LYRM4: variants seen among roughly 807,000 people sequenced by gnomAD.
LYRM4 encodes the protein LYR motif-containing protein 4.
In LYRM4, 9 loss-of-function variants were observed where a neutral mutation model predicts 11.7. The observed-to-expected ratio is 0.77, with a 90% CI of 0.46 to 1.34. The LOEUF is 1.34. Ranked by LOEUF, LYRM4 falls within the 40% of genes most tolerant of loss-of-function variation. LYRM4 has a pLI of 0.00. For missense variants in LYRM4, 133 were observed against 112.5 expected (o/e 1.18, Z -0.82); for synonymous variants, 42 against 40.4 (o/e 1.04, Z -0.15).
the LYRM4 span, among the ~76,000 whole-genome samples, chr6:5,093,531 C>T: frequency 6.6e-6 from 1 of 152,280 alleles, no homozygotes; most frequent in African/African-American, 2.4e-5. Context: ...ACTTTAGACT[C>T]TGCCATGTCC....
chr6:5,189,271 T>G (rs568921107), intron 2 of LYRM4, among the ~76,000 whole-genome samples: 12 of 149,322 alleles, frequency 8.0e-5, no homozygotes, highest in Admixed American at 4.6e-4. Flanking sequence ...GGTTAGTGGT[T>G]AGCCTAAGGT....
At chr6:5,240,554 G>A (rs1047617311) in intron 1 of LYRM4, 1 of 152,154 alleles carries the variant, frequency 6.6e-6, no homozygotes, top group African/African-American at 2.4e-5. Flanking sequence ...CACACCAAGG[G>A]TTTTGCCAAG....
At chr6:5,180,068 T>C (rs1381232380) in intron 2 of LYRM4, among the ~76,000 whole-genome samples, 1 of 152,128 alleles carries the variant, frequency 6.6e-6, no homozygotes, top group Non-Finnish European at 1.5e-5. Context: ...GAACCACAAA[T>C]AATGACTCAG....
the LYRM4 span, among the ~76,000 whole-genome samples, chr6:5,094,435 G>C: frequency 1.3e-5 from 2 of 152,216 alleles, no homozygotes; most frequent in South Asian, 2.1e-4. Context: ...AGTGAACTAT[G>C]ATGGCACCAC....
intron 2 of LYRM4, among the ~76,000 whole-genome samples, chr6:5,209,396 T>C (rs544911326): frequency 3.3e-5 from 5 of 152,320 alleles, no homozygotes; most frequent in African/African-American, 1.2e-4. Flanking sequence ...TTATTACTTT[T>C]TTATTACAAT....
chr6:5,071,566 GTA>G, the LYRM4 span, among the ~76,000 whole-genome samples: 1 of 151,430 alleles, frequency 6.6e-6, no homozygotes, highest in African/African-American at 2.4e-5. Context: ...GTGTGTATAT[GTA>G]TATGTATATA....
intron 1 of LYRM4, among the ~76,000 whole-genome samples, chr6:5,229,397 G>A (rs1018423900): frequency 6.6e-6 from 1 of 152,174 alleles, no homozygotes; most frequent in Non-Finnish European, 1.5e-5. Context: ...TTGATGCCCA[G>A]GTGTAGTTAT....
chr6:5,180,638 TTCC>T lies in LYRM4; in HGVS notation c.207+35977_207+35979del, dbSNP rs747397697. ...CTCAACATGATCTCTGGTTCGTTGGTTCCTCCTATTTTCCTGGCCCAGAGTTGC... is the reference window on the plus strand; with the variant it reads ...CTCAACATGATCTCTGGTTCGTTGGTTCCTATTTTCCTGGCCCAGAGTTGC... On this transcript the variant is annotated intron_variant, in intron 2 of 2. Coordinates refer to ENST00000330636, the MANE Select transcript of LYRM4 (RefSeq NM_020408.6). Among the ~76,000 whole-genome samples, 73 of 152,326 alleles carry T rather than the reference TTCC, an allele frequency of 4.8e-4. 1 individual carries two copies. The Middle Eastern group carries it at 0.024, about 50-fold the overall frequency.
In LYRM4 at chr6:5,245,089, T is replaced by TTAAAAA. The variant is rs1347789118; in HGVS notation, c.86+15558_86+15559insTTTTTA. Among the ~76,000 whole-genome samples the TTAAAAA allele has an allele frequency of 9.0e-4, 14 of 15,496 alleles. 6 individuals are homozygous for TTAAAAA. Among genetic ancestry groups the TTAAAAA allele is most frequent in the African/African-American group, 2.3e-3 (14 of 5,986 alleles). 10.2% of individuals were successfully genotyped at this position (15,496 alleles called of 152,430 possible). ...GCTGACTTTATTTGCAGGAAGACCT[T>TTAAAAA]AAAAAAAAAAAAAAAAAAAAAAAAA... On this transcript the variant is annotated intron_variant, in intron 1 of 2. Transcript: ENST00000330636.
intron 2 of LYRM4, among the ~76,000 whole-genome samples, chr6:5,134,944 C>CGCTCCCGGGGCTGTGG (rs1756998735): frequency 1.3e-5 from 2 of 148,256 alleles, no homozygotes; most frequent in Admixed American, 6.7e-5. Flanking sequence ...GGGTGCGGAT[C>CGCTCCCGGGGCTGTGG]ACTCCCGGGA....
At chr6:5,065,516 A>G in the LYRM4 span, among the ~76,000 whole-genome samples, 467 of 152,366 alleles carry the variant, frequency 3.1e-3, 2 homozygotes, top group African/African-American at 0.011. Flanking sequence ...AGCAACAGTG[A>G]AAGTGAAATA....
the LYRM4 span, among the ~76,000 whole-genome samples, chr6:5,037,545 C>T: frequency 1.6e-4 from 9 of 56,444 alleles, no homozygotes; most frequent in East Asian, 1.4e-3. Flanking sequence ...AGACGGGGTC[C>T]TGGCCGGGCA....
intron 2 of LYRM4, among the ~76,000 whole-genome samples, chr6:5,198,520 C>T (rs138452109): frequency 7.2e-5 from 11 of 152,312 alleles, no homozygotes; most frequent in Admixed American, 2.0e-4. Context: ...TCTTGTCCAT[C>T]TGGAGGTCAT....
chr6:5,136,469 G>A, intron 2 of LYRM4: 1 of 963,268 alleles, frequency 1.0e-6, no homozygotes, highest in Non-Finnish European at 1.2e-6. Context: ...CCAATCACTG[G>A]CTCCGAAACC....
chr6:5,210,282 A>G (rs1477939053), intron 2 of LYRM4, among the ~76,000 whole-genome samples: 3 of 152,208 alleles, frequency 2.0e-5, no homozygotes, highest in Non-Finnish European at 4.4e-5. Context: ...GTGAATGTTG[A>G]ACCATGGGAT....
intron 2 of LYRM4, among the ~76,000 whole-genome samples, chr6:5,128,896 T>C (rs1331155702): frequency 1.3e-5 from 2 of 152,254 alleles, no homozygotes; most frequent in East Asian, 3.8e-4. Flanking sequence ...CTGGGGCTTC[T>C]CTTGGGCAGC....
chr6:5,118,260 G>T (rs1317869151), intron 2 of LYRM4, among the ~76,000 whole-genome samples: 1 of 151,744 alleles, frequency 6.6e-6, no homozygotes, highest in African/African-American at 2.4e-5. Context: ...GGGACTGCAG[G>T]CATGCACCAC....
At chr6:5,189,590 T>G (rs1425963782) in intron 2 of LYRM4, among the ~76,000 whole-genome samples, 1 of 152,216 alleles carries the variant, frequency 6.6e-6, no homozygotes, top group Non-Finnish European at 1.5e-5. Flanking sequence ...CAAGGCACCA[T>G]GAAGCTCTAC....
chr6:5,065,820 T>C, the LYRM4 span: 1 of 309,488 alleles, frequency 3.2e-6, no homozygotes, highest in Non-Finnish European at 5.7e-6. Flanking sequence ...GGTTTCATCA[T>C]ATAGCCATTT....
Sources: gnomAD v4.1 joint callset for allele counts (sites outside exome capture counted in the v4.1 genomes callset) on GRCh38, gnomAD v4.1.1 for gene constraint, MANE v1.5 for transcripts, NCBI Gene and HGNC (gene_info 2026-07-23, HGNC 2026-07-21) for gene names.